Variants in TEAD1 observed in about 807,000 individuals in gnomAD.
The protein encoded by TEAD1 is transcriptional enhancer factor TEF-1.
In TEAD1, 9 loss-of-function variants were observed where a neutral mutation model predicts 54.9. That is an observed-to-expected ratio of 0.16 (90% CI 0.10 to 0.29). The LOEUF (loss-of-function observed/expected upper bound fraction) is 0.29. Ranked by LOEUF, TEAD1 falls within the 10% of genes least tolerant of loss-of-function variation. The pLI is 1.00. For synonymous variants in TEAD1, 200 were observed against 187.8 expected, an observed-to-expected ratio of 1.07 and a Z score of -0.53; for missense variants, 387 against 535.9, an observed-to-expected ratio of 0.72 and a Z score of 2.74.
chr11:12,798,044 T>C (rs1354358170), intron 3 of TEAD1, among the ~76,000 whole-genome samples: 2 of 152,218 alleles, frequency 1.3e-5, no homozygotes, highest in Admixed American at 1.3e-4. Flanking sequence ...ATTAAAGCCG[T>C]TTGTGTAACA....
intron 3 of TEAD1, among the ~76,000 whole-genome samples, chr11:12,797,765 A>G (rs76850220): frequency 8.9e-4 from 136 of 152,132 alleles, no homozygotes; most frequent in African/African-American, 3.0e-3. Flanking sequence ...TGAAAATGGA[A>G]TTCTCCAACT....
At chr11:12,830,432 C>T (rs1946748972) in intron 3 of TEAD1, among the ~76,000 whole-genome samples, 2 of 152,102 alleles carry the variant, frequency 1.3e-5, no homozygotes, top group South Asian at 2.1e-4. Context: ...CCTCTCCTAC[C>T]AGCTCCTGAA....
intron 9 of TEAD1, among the ~76,000 whole-genome samples, chr11:12,890,486 C>A (rs1948176437): frequency 6.6e-6 from 1 of 152,164 alleles, no homozygotes; most frequent in Admixed American, 6.6e-5. Context: ...TACTAGAATT[C>A]TTAGCAGCTG....
chr11:12,926,565 A>G lies in TEAD1; in HGVS notation c.1014+1513A>G, dbSNP rs550769879. 1.1e-4 allele frequency among the ~76,000 whole-genome samples: 16 copies of G among 152,324 alleles called. No homozygotes were observed. The South Asian group carries it at 3.1e-3, about 30-fold the overall frequency. On this transcript the variant is annotated intron_variant, in intron 11 of 12. Transcript: ENST00000527636. ...TAAGGTGTTCAAGAGGAAATAGGCA[A>G]TGATTATAGATGCAAGACTAGAACT...
intron 3 of TEAD1, among the ~76,000 whole-genome samples, chr11:12,813,757 C>T (rs992555815): frequency 2.6e-5 from 4 of 152,162 alleles, no homozygotes; most frequent in African/African-American, 4.8e-5. Flanking sequence ...CTTTCCTGCC[C>T]GTCTGCAGGG....
At chr11:12,855,035 A>G (rs1158139418) in intron 3 of TEAD1, among the ~76,000 whole-genome samples, 2 of 152,166 alleles carry the variant, frequency 1.3e-5, no homozygotes, top group Admixed American at 6.5e-5. Flanking sequence ...ACAAGTTGCT[A>G]TGGCATCCGT....
Position 12,764,271 on chromosome 11 carries a change from C to T in TEAD1, c.39C>T (p.Ala13=), listed in dbSNP as rs373087911. Residue 13 remains alanine (A), a synonymous_variant, in exon 3 of 13, where the codon GCC becomes GCT. Coordinates refer to ENST00000527636, the MANE Select transcript of TEAD1 (RefSeq NM_021961.6). ...GCTGGAGCGGCAGTGAGAGCCCTGC[C>T]GAAAACATGGAAAGGATGAGTGACT... 338 of 1,614,068 alleles carry T rather than the reference C, an allele frequency of 2.1e-4. 1 individual carries two copies. The African/African-American group carries it at 3.7e-3, about 17-fold the overall frequency.
intron 3 of TEAD1, among the ~76,000 whole-genome samples, chr11:12,765,334 T>A (rs866749966): frequency 9.9e-5 from 15 of 152,184 alleles, no homozygotes; most frequent in African/African-American, 3.4e-4. Flanking sequence ...TTGAACATTC[T>A]GCTTGTCTAA....
At chr11:12,881,226 T>C (rs760005326) in intron 7 of TEAD1, among the ~76,000 whole-genome samples, 175 bp downstream of exon 7, 2 of 152,178 alleles carry the variant, frequency 1.3e-5, no homozygotes, top group Non-Finnish European at 2.9e-5. Context: ...GGAAAGAGAC[T>C]GGCTTTTCGG....
chr11:12,783,133 T>TGTGTGC (rs1198828193), intron 3 of TEAD1, among the ~76,000 whole-genome samples: 290 of 145,564 alleles, frequency 2.0e-3, no homozygotes, highest in African/African-American at 5.9e-3. Context: ...TGTGTGTGTG[T>TGTGTGC]GCGCGCACTT....
intron 3 of TEAD1, among the ~76,000 whole-genome samples, chr11:12,843,410 T>C (rs1403549904): frequency 1.3e-5 from 2 of 152,264 alleles, no homozygotes; most frequent in Non-Finnish European, 1.5e-5. Context: ...CTGTTAGTTT[T>C]TAAACGCATT....
chr11:12,859,350 A>G (rs771783883), intron 3 of TEAD1, among the ~76,000 whole-genome samples: 1 of 150,416 alleles, frequency 6.6e-6, no homozygotes, highest in South Asian at 2.1e-4. Context: ...TTCGGACAAA[A>G]TTGTATGTAA....
chr11:12,814,852 C>T (rs1411675359), intron 3 of TEAD1, among the ~76,000 whole-genome samples: 2 of 137,524 alleles, frequency 1.5e-5, no homozygotes, highest in Admixed American at 1.5e-4. Flanking sequence ...CCCGTCCGTC[C>T]CGAGCTGTGT....
At chr11:12,710,732 G>C (rs1943918998) in intron 2 of TEAD1, among the ~76,000 whole-genome samples, 1 of 152,180 alleles carries the variant, frequency 6.6e-6, no homozygotes, top group Non-Finnish European at 1.5e-5. Context: ...CAGCAAGAGA[G>C]AGAAATAGAC....
intron 3 of TEAD1, among the ~76,000 whole-genome samples, chr11:12,861,682 C>A (rs955516142): frequency 3.2e-4 from 49 of 152,188 alleles, no homozygotes; most frequent in Non-Finnish European, 1.2e-4. Flanking sequence ...GACAAAAAGG[C>A]ACATCTTAAA....
rs1948989265 is a variant in TEAD1 at position 12,930,171 on chromosome 11, C to T, written c.1015-3C>T. 1 of 1,614,084 alleles carries T rather than the reference C, an allele frequency of 6.2e-7. No homozygotes were observed. The highest frequency in any genetic ancestry group is 8.5e-7 in the Non-Finnish European group (1 of 1,180,002). On this transcript the variant is annotated splice_region_variant and splice_polypyrimidine_tract_variant and intron_variant, in intron 11 of 12. Transcript: ENST00000527636. The stretch of plus-strand genomic sequence containing the variant: ...AAATACTGAAATCCTTTTTTCCTCA[C>T]AGACGGAGTATGCAAGGTTTGAGAA...
chr11:12,785,073 ACT>A (rs1475818710), intron 3 of TEAD1, among the ~76,000 whole-genome samples: 1 of 151,502 alleles, frequency 6.6e-6, no homozygotes, highest in Non-Finnish European at 1.5e-5. Flanking sequence ...TCAAAGACTG[ACT>A]CTTCAGTCAT....
chr11:12,874,697 C>T (rs1947819375), intron 5 of TEAD1, among the ~76,000 whole-genome samples: 1 of 152,134 alleles, frequency 6.6e-6, no homozygotes. Flanking sequence ...CATCCCGAGT[C>T]TCAGGTCAGT....
chr11:12,901,869 A>C (rs1948431314), intron 9 of TEAD1, 71 bp from the exon 10 acceptor site: 3 of 1,595,030 alleles, frequency 1.9e-6, no homozygotes, highest in Non-Finnish European at 2.6e-6. Context: ...CTCTTTATCC[A>C]GTTCAAGATG....
Sources: gnomAD v4.1 joint callset for allele counts (sites outside exome capture counted in the v4.1 genomes callset) on GRCh38, gnomAD v4.1.1 for gene constraint, MANE v1.5 for transcripts, NCBI Gene and HGNC (gene_info 2026-07-23, HGNC 2026-07-21) for gene names.